ZNF613: variants seen among roughly 807,000 people sequenced by gnomAD.
ZNF613 encodes the protein zinc finger protein 613.
A neutral mutation model predicts 14.3 loss-of-function variants in ZNF613; 8 were observed. That is an observed-to-expected ratio of 0.56 (90% CI 0.33 to 1.01). The LOEUF is 1.01. ZNF613 is among the 50% of genes least tolerant of loss of function. The pLI is 0.03. For synonymous variants in ZNF613, 228 were observed against 254.5 expected, an observed-to-expected ratio of 0.90 and a Z score of 0.99; for missense variants, 656 against 741.9, an observed-to-expected ratio of 0.88 and a Z score of 1.35.
intron 2 of ZNF613, among the ~76,000 whole-genome samples, chr19:51,931,874 A>G (rs1313560350): frequency 6.6e-6 from 1 of 152,166 alleles, no homozygotes; most frequent in South Asian, 2.1e-4. Flanking sequence ...TTCCTGGTAG[A>G]CTGAACAAAG....
chr19:51,932,806 G>C (rs2085277307), intron 2 of ZNF613, among the ~76,000 whole-genome samples: 1 of 151,704 alleles, frequency 6.6e-6, no homozygotes, highest in Admixed American at 6.6e-5. Context: ...CACCCTAACA[G>C]CTGGGATTAT....
At chr19:51,939,566 G>C (rs1301560882) in intron 3 of ZNF613, among the ~76,000 whole-genome samples, 4 of 152,024 alleles carry the variant, frequency 2.6e-5, no homozygotes, top group Admixed American at 6.6e-5. Context: ...CTGACCTCAG[G>C]TGATCCGCCC....
At chr19:51,940,803 G>A in intron 5 of ZNF613, 94 bp downstream of exon 5, 2 of 961,172 alleles carry the variant, frequency 2.1e-6, no homozygotes, top group Non-Finnish European at 3.1e-6. Context: ...ATCTGAGGCT[G>A]TGTGGACAGA....
intron 2 of ZNF613, among the ~76,000 whole-genome samples, chr19:51,931,306 A>G (rs1376515641): frequency 6.6e-6 from 1 of 152,258 alleles, no homozygotes; most frequent in African/African-American, 2.4e-5. Context: ...TTAGTCACTT[A>G]ATACTGATAA....
rs2085399854 is a variant in ZNF613, at chr19:51,946,119, C to T, written c.*382C>T. ...GCAGGGTTGCTAGTGGTACATTCTG[C>T]CTTATCCTCAGAGGGAATCATATAG... On this transcript the variant is annotated 3_prime_UTR_variant, in exon 6 of 6. Coordinates refer to ENST00000293471, the MANE Select transcript of ZNF613 (RefSeq NM_001031721.4). 1 of 186,254 alleles carries T rather than the reference C, an allele frequency of 5.4e-6. No homozygotes were observed. Among genetic ancestry groups the T allele is most frequent in the Non-Finnish European group, 1.1e-5 (1 of 88,898 alleles). The allele number at this position is 186,254 out of a possible 1,614,324, so 11.5% of individuals were successfully genotyped here. A position where few individuals can be genotyped will look rare whatever the true frequency, so the allele number is the denominator to read the frequency against.
chr19:51,938,815 G>A (rs1473939753), intron 3 of ZNF613, among the ~76,000 whole-genome samples: 2 of 149,832 alleles, frequency 1.3e-5, no homozygotes, highest in Non-Finnish European at 2.9e-5. Context: ...GCCTGGGCAT[G>A]TAGTAGGCTG....
At chr19:51,936,272 A>G (rs2085304651) in intron 3 of ZNF613, 37 bp downstream of exon 3, 4 of 1,590,632 alleles carry the variant, frequency 2.5e-6, no homozygotes, top group South Asian at 1.2e-5. Context: ...CCTTCATCAC[A>G]TGATTGATTT....
rs1471703755 is a variant in ZNF613 at position 51,945,786 on chromosome 19, C to T, written c.*49C>T. On this transcript the variant is annotated 3_prime_UTR_variant, in exon 6 of 6. Coordinates refer to ENST00000293471, the MANE Select transcript of ZNF613 (RefSeq NM_001031721.4). Reference sequence around the variant, plus strand: ...TGGTAGTGCTTTCAGTGATCAATTACATCATATGTCACAAAAAACACAGAG... The same window carrying T: ...TGGTAGTGCTTTCAGTGATCAATTATATCATATGTCACAAAAAACACAGAG... 1.9e-6 allele frequency: 3 copies of T among 1,594,002 alleles called. No individual in the cohort carries two copies. Among genetic ancestry groups the T allele is most frequent in the East Asian group, 2.2e-5 (1 of 44,818 alleles).
intron 1 of ZNF613, among the ~76,000 whole-genome samples, chr19:51,928,799 G>A (rs2085239145): frequency 6.9e-6 from 1 of 145,692 alleles, no homozygotes; most frequent in Non-Finnish European, 1.5e-5. Flanking sequence ...AGGCTGCAGT[G>A]AACTATGATT....
At position 51,929,898 on chromosome 19, in the gene ZNF613, TA is replaced by T. The variant is rs1401207546; in HGVS notation, c.-194+4del. 3 of 152,166 alleles carry T rather than the reference TA, an allele frequency of 2.0e-5. No individual in the cohort carries two copies. Among genetic ancestry groups the T allele is most frequent in the Non-Finnish European group, 4.4e-5 (3 of 68,036 alleles). The allele number at this position is 152,166 out of a possible 1,614,324, so 9.4% of individuals were successfully genotyped here. On this transcript the variant is annotated splice_donor_region_variant and intron_variant, in intron 2 of 5. Transcript: ENST00000293471. ...CTTTGTTTTTTGGTGCATTTCAAAG[TA>T]AGTTGCAGACATTCATACATTTGCC...
At chr19:51,942,700 ATTT>A (rs61519800) in intron 5 of ZNF613, 20 of 140,050 alleles carry the variant, frequency 1.4e-4, no homozygotes, top group Non-Finnish European at 1.9e-4. Flanking sequence ...TAATGACTTG[ATTT>A]TTTTTTTTTT....
rs1408420814 is a variant in ZNF613 at position 51,944,567 on chromosome 19, G to A, written c.684G>A (p.Gly228=). The A allele has an allele frequency of 6.2e-7, 1 of 1,613,998 alleles. No homozygotes were observed. ...TCTATCATCAGAGAGTTCACACTGGGGAGAAACCTCATGGATGCAGTATAT... is the reference window on the plus strand; with the variant it reads ...TCTATCATCAGAGAGTTCACACTGGAGAGAAACCTCATGGATGCAGTATAT... ...RLIYHQRVHT[G]EKPHGCSICG... The change falls in exon 6 of 6, where the codon GGG becomes GGA. Residue 228 remains glycine, a synonymous_variant. Coordinates refer to ENST00000293471, the MANE Select transcript of ZNF613 (RefSeq NM_001031721.4).
intron 2 of ZNF613, among the ~76,000 whole-genome samples, chr19:51,932,705 T>C (rs144734097): frequency 1.3e-5 from 2 of 151,914 alleles, no homozygotes; most frequent in African/African-American, 4.8e-5. Flanking sequence ...AGACAGGGTC[T>C]CACTCTATTG....
In ZNF613 at chr19:51,945,359, T is replaced by G. The variant is rs1364169395; in HGVS notation, c.1476T>G (p.Ala492=). 2.5e-6 allele frequency: 4 copies of G among 1,614,064 alleles called. No individual in the cohort carries two copies. The highest frequency in any genetic ancestry group is 3.4e-6 in the Non-Finnish European group (4 of 1,179,980). Residue 492 remains alanine (A), a synonymous_variant, in exon 6 of 6, where the codon GCT becomes GCG. Coordinates refer to ENST00000293471, the MANE Select transcript of ZNF613 (RefSeq NM_001031721.4). The part of the protein sequence containing the change: ...KPYTCSDCGK[A]FRDKSCLNRH... ...ATACATGCAGTGACTGTGGGAAAGC[T>G]TTCAGAGATAAATCATGTCTCAACA...
intron 3 of ZNF613, among the ~76,000 whole-genome samples, chr19:51,938,417 C>T (rs2085320955): frequency 6.6e-6 from 1 of 151,954 alleles, no homozygotes; most frequent in Non-Finnish European, 1.5e-5. Flanking sequence ...GCATGTGCCA[C>T]CACATCCAGC....
Position 51,945,917 on chromosome 19 carries a change from T to C in ZNF613, c.*180T>C. On this transcript the variant is annotated 3_prime_UTR_variant, in exon 6 of 6. Coordinates refer to ENST00000293471, the MANE Select transcript of ZNF613 (RefSeq NM_001031721.4). ...ATGAAGTGGAGACTGGGAAATTCTT[T>C]TATGGGAAGATAGATCTTCTCATCA... 1.6e-6 allele frequency: 1 copy of C among 642,758 alleles called. No homozygotes were observed. Among genetic ancestry groups the C allele is most frequent in the Admixed American group, 2.9e-5 (1 of 34,334 alleles). The allele number at this position is 642,758 out of a possible 1,614,324, so 39.8% of individuals were successfully genotyped here. A position where few individuals can be genotyped will look rare whatever the true frequency, so the allele number is the denominator to read the frequency against.
chr19:51,930,111 C>A (rs189509320), intron 2 of ZNF613, among the ~76,000 whole-genome samples: 1 of 152,262 alleles, frequency 6.6e-6, no homozygotes, highest in East Asian at 1.9e-4. Flanking sequence ...ACTCCCTATG[C>A]CCTACCACTA....
At chr19:51,938,703 A>G (rs1341678144) in intron 3 of ZNF613, among the ~76,000 whole-genome samples, 1 of 140,322 alleles carries the variant, frequency 7.1e-6, no homozygotes, top group Non-Finnish European at 1.5e-5. Context: ...CGTTAAAAAA[A>G]GTAAGTATAT....
Position 51,945,834 on chromosome 19 carries a change from T to A in ZNF613, c.*97T>A. ...GAGGAACAAACTGATATATTCAAGGTGGAAAGCCCTTGAATAAAACCTTAT... is the reference window on the plus strand; with the variant it reads ...GAGGAACAAACTGATATATTCAAGGAGGAAAGCCCTTGAATAAAACCTTAT... On this transcript the variant is annotated 3_prime_UTR_variant, in exon 6 of 6. Coordinates refer to ENST00000293471, the MANE Select transcript of ZNF613 (RefSeq NM_001031721.4). 1 of 1,375,288 alleles carries A rather than the reference T, an allele frequency of 7.3e-7. No homozygotes were observed. The highest frequency in any genetic ancestry group is 1.0e-6 in the Non-Finnish European group (1 of 994,016). The allele number at this position is 1,375,288 out of a possible 1,614,324, so 85.2% of individuals were successfully genotyped here.
Sources: allele counts gnomAD v4.1 joint callset (sites outside exome capture counted in the v4.1 genomes callset), GRCh38; gene constraint gnomAD v4.1.1; transcripts MANE v1.5; gene names NCBI Gene and HGNC (gene_info 2026-07-23, HGNC 2026-07-21).